The following SH2B2 variants were observed in gnomAD, a reference collection of about 807,000 sequenced individuals.
SH2B2 encodes SH2B adaptor protein 2, also known as SH2B adapter protein 2.
SH2B2 carries 37 observed loss-of-function variants against 35.7 expected under a neutral mutation model. That is an observed-to-expected ratio of 1.04 (90% CI 0.80 to 1.36). The LOEUF is 1.36. SH2B2 is among the 40% of genes most tolerant of loss of function. The probability of loss-of-function intolerance (pLI) is 0.00; values close to 1 mark genes in which losing one functional copy is unlikely to be tolerated. For missense variants in SH2B2, 852 were observed against 817.7 expected, an observed-to-expected ratio of 1.04 and a Z score of -0.51; for synonymous variants, 383 against 376.4, an observed-to-expected ratio of 1.02 and a Z score of -0.20.
Position 102,308,897 on chromosome 7 carries a change from T to C in SH2B2, c.914T>C (p.Val305Ala), listed in dbSNP as rs1179034348. 3.1e-6 allele frequency: 5 copies of C among 1,613,390 alleles called. No individual in the cohort carries two copies. The highest frequency in any genetic ancestry group is 4.2e-6 in the Non-Finnish European group (5 of 1,179,734). ...TGGGTAGCTGACATCCAGGGCTGCG[T>C]GGACCCCGGGTGAGTGTCCAAGTGG... ...HSWVADIQGC[V>A]DPGDSEEDTE... The change falls in exon 4 of 9, where the codon GTG becomes GCG. Residue 305 changes from valine (V) to alanine (A), a missense_variant. By Grantham distance (64) the Val-to-Ala change is moderately conservative. Transcript: ENST00000444095.
At chr7:102,287,531 G>T (rs1170424354) in intron 1 of SH2B2, among the ~76,000 whole-genome samples, 1 of 152,196 alleles carries the variant, frequency 6.6e-6, no homozygotes, top group African/African-American at 2.4e-5. Flanking sequence ...GCCACGGGAT[G>T]GGATCGGGGA....
rs781947704 is a variant in SH2B2, at chr7:102,317,270, C to T, written c.1270C>T (p.Arg424Trp). ...CCCATGGTTCCACGGGACACTGTCC[C>T]GGGTCAAGGCTGCTCAACTGGTTCT... ...DYPWFHGTLS[R>W]VKAAQLVLAG... The change falls in exon 7 of 9, where the codon CGG (arginine) becomes TGG (tryptophan). Residue 424 changes from arginine to tryptophan, a missense_variant. Coordinates refer to ENST00000444095, the MANE Select transcript of SH2B2 (RefSeq NM_001359228.2). The T allele has an allele frequency of 1.3e-5, 21 of 1,613,508 alleles. No homozygotes were observed. The highest frequency in any genetic ancestry group is 2.2e-5 in the South Asian group (2 of 91,020).
chr7:102,300,500 T>C, intron 1 of SH2B2, 22 bp from the exon 2 acceptor site: 2 of 1,514,550 alleles, frequency 1.3e-6, no homozygotes, highest in African/African-American at 2.8e-5. Context: ...TGAAAGTCAC[T>C]GCGCGCTCTT....
intron 2 of SH2B2, among the ~76,000 whole-genome samples, chr7:102,303,522 G>A (rs1793276393): frequency 6.6e-6 from 1 of 152,160 alleles, no homozygotes; most frequent in African/African-American, 2.4e-5. Flanking sequence ...TGAGCCACAT[G>A]GGCCCTGGAA....
Position 102,300,864 on chromosome 7 carries a change from C to T in SH2B2, c.314C>T (p.Ser105Phe), listed in dbSNP as rs547123593. ...EAMEPELADT[S>F]ALKAAPYGHS... The stretch of plus-strand genomic sequence containing the variant: ...ATGGAGCCGGAGCTCGCGGACACCT[C>T]TGCACTCAAGGCGGCGCCCTACGGC... The change falls in exon 2 of 9, where the codon TCT becomes TTT. Residue 105 changes from serine to phenylalanine, a missense_variant. Ser to Phe is a radical substitution (Grantham distance 155). Transcript: ENST00000444095. The T allele has an allele frequency of 1.4e-5, 20 of 1,464,196 alleles. No individual in the cohort carries two copies. The highest frequency in any genetic ancestry group is 1.0e-4 in the African/African-American group (7 of 69,286). The allele number at this position is 1,464,196 out of a possible 1,614,324, so 90.7% of individuals were successfully genotyped here.
chr7:102,310,161 C>G (rs1424327725), intron 4 of SH2B2, among the ~76,000 whole-genome samples: 3 of 151,888 alleles, frequency 2.0e-5, no homozygotes, highest in Non-Finnish European at 4.4e-5. Context: ...ACTAAAAATA[C>G]AAAAATTAGC....
chr7:102,306,570 C>T (rs1414455406), intron 2 of SH2B2, 151 bp from the exon 3 acceptor site: 1 of 635,898 alleles, frequency 1.6e-6, no homozygotes, highest in Non-Finnish European at 2.8e-6. Context: ...CCTCAGCTTC[C>T]CCCTCTGTGA....
chr7:102,300,049 C>G (rs1793082334), intron 1 of SH2B2, among the ~76,000 whole-genome samples: 2 of 152,218 alleles, frequency 1.3e-5, no homozygotes, highest in African/African-American at 4.8e-5. Flanking sequence ...TCCGGAGTGG[C>G]TAGGACTACA....
intron 2 of SH2B2, among the ~76,000 whole-genome samples, chr7:102,303,525 C>T (rs1793276801): frequency 6.6e-6 from 1 of 152,160 alleles, no homozygotes; most frequent in South Asian, 2.1e-4. Context: ...GCCACATGGG[C>T]CCTGGAAAAG....
In SH2B2 at chr7:102,301,174, G is replaced by A; in HGVS notation, c.624G>A (p.Ala208=). 3.8e-6 allele frequency: 6 copies of A among 1,575,246 alleles called. No individual in the cohort carries two copies. Among genetic ancestry groups the A allele is most frequent in the Middle Eastern group, 1.7e-4 (1 of 5,846 alleles). ...TGCGCTTCATGGTGGCCGACGACGC[G>A]GCCGCGGGCTCCGGGGGCTCGGCTC... ...GALRFMVADD[A]AAGSGGSAQW... Residue 208 remains alanine (A), a synonymous_variant, in exon 2 of 9, where the codon GCG becomes GCA. Coordinates refer to ENST00000444095, the MANE Select transcript of SH2B2 (RefSeq NM_001359228.2).
At chr7:102,314,990 AC>A (rs1338713137) in intron 6 of SH2B2, among the ~76,000 whole-genome samples, 1 of 151,998 alleles carries the variant, frequency 6.6e-6, no homozygotes, top group African/African-American at 2.4e-5. Context: ...GGAGTTTGAG[AC>A]CAGCCTGGCT....
At position 102,314,652 on chromosome 7, in the gene SH2B2, GGCGGCA is replaced by G. The variant is rs1365259607; in HGVS notation, c.1164_1169del (p.Gly389_Ser390del). The G allele has an allele frequency of 1.9e-4, 77 of 398,438 alleles. 1 individual carries two copies. In the East Asian group the frequency reaches 2.7e-3, roughly 14 times the overall value. 24.7% of individuals were successfully genotyped at this position (398,438 alleles called of 1,614,324 possible). On this transcript the variant is annotated inframe_deletion, in exon 6 of 9. Transcript: ENST00000444095. ...CTTTCTGCAGACCCTGGAATCCCCG[GGCGGCA>G]GCGGCAGTGACAGCAATAACACAGG...
At chr7:102,314,211 A>G (rs1201164938) in intron 4 of SH2B2, 125 bp from the exon 5 acceptor site, 4 of 397,656 alleles carry the variant, frequency 1.0e-5, no homozygotes, top group Non-Finnish European at 1.8e-5. Flanking sequence ...GAGGGAGGTG[A>G]CCAGAGCCAG....
At position 102,318,684 on chromosome 7, in the gene SH2B2, G is replaced by A. The variant is rs1028417050; in HGVS notation, c.1395+1289G>A. 3.9e-5 allele frequency among the ~76,000 whole-genome samples: 6 copies of A among 151,962 alleles called. No homozygotes were observed. The East Asian group carries it at 5.8e-4, about 15-fold the overall frequency. On this transcript the variant is annotated intron_variant, in intron 7 of 8. Coordinates refer to ENST00000444095, the MANE Select transcript of SH2B2 (RefSeq NM_001359228.2). ...GACAGTGTCTCTCTGCAGGGACCCCGGCTGCCCTAACCCCTAGTGGCTCAG... is the reference window on the plus strand; with the variant it reads ...GACAGTGTCTCTCTGCAGGGACCCCAGCTGCCCTAACCCCTAGTGGCTCAG...
chr7:102,295,050 C>T lies in SH2B2; in HGVS notation c.-29-5472C>T, dbSNP rs200146115. On this transcript the variant is annotated intron_variant, in intron 1 of 8. Coordinates refer to ENST00000444095, the MANE Select transcript of SH2B2 (RefSeq NM_001359228.2). ...GTTCCACTCCCACTCCAGTGAGGGCCACCTGAGACCCACCTGCGAGAGCCT... is the reference window on the plus strand; with the variant it reads ...GTTCCACTCCCACTCCAGTGAGGGCTACCTGAGACCCACCTGCGAGAGCCT... 1.6e-4 allele frequency among the ~76,000 whole-genome samples: 25 copies of T among 152,308 alleles called. No homozygotes were observed. The East Asian group carries it at 4.1e-3, about 25-fold the overall frequency.
intron 1 of SH2B2, among the ~76,000 whole-genome samples, chr7:102,293,735 G>A (rs929015779): frequency 1.3e-5 from 2 of 151,974 alleles, no homozygotes; most frequent in Non-Finnish European, 2.9e-5. Flanking sequence ...AATGTCCAAG[G>A]CCATCACTTC....
chr7:102,309,549 C>T (rs1020346017), intron 4 of SH2B2: 3 of 309,130 alleles, frequency 9.7e-6, no homozygotes, highest in Admixed American at 4.3e-5. Context: ...TTAGTAGAGA[C>T]GGGGTTTCAT....
At chr7:102,299,196 G>GTTTTTTTTTTTTTTTTTTTTT (rs1793046884) in intron 1 of SH2B2, among the ~76,000 whole-genome samples, 4 of 29,130 alleles carry the variant, frequency 1.4e-4, no homozygotes, top group Admixed American at 5.0e-4. Context: ...ACCGCGCCTG[G>GTTTTTTTTTTTTTTTTTTTTT]CTTTTTTTTT....
In SH2B2 at chr7:102,320,513, G is replaced by T. The variant is rs781973975; in HGVS notation, c.1567+11G>T. On this transcript the variant is annotated intron_variant, in intron 8 of 8. Coordinates refer to ENST00000444095, the MANE Select transcript of SH2B2 (RefSeq NM_001359228.2). ...AGGACCCCCCACCAGGTAAGATGCC[G>T]CCACCTGGCTGGTGTGATTACTCAA... is the stretch of plus-strand genomic sequence containing the variant. 9.9e-6 allele frequency: 16 copies of T among 1,608,240 alleles called. No individual in the cohort carries two copies. The highest frequency in any genetic ancestry group is 1.7e-5 in the Admixed American group (1 of 59,660).
Sources: gnomAD v4.1 joint callset for allele counts (sites outside exome capture counted in the v4.1 genomes callset) on GRCh38, gnomAD v4.1.1 for gene constraint, MANE v1.5 for transcripts, NCBI Gene and HGNC (gene_info 2026-07-23, HGNC 2026-07-21) for gene names.